TAB3: variants seen among roughly 807,000 people sequenced by gnomAD.
TAB3 encodes TGF-beta-activated kinase 1 and MAP3K7-binding protein 3.
Under a neutral mutation model 48.1 loss-of-function variants are expected in TAB3, and 18 were observed. That is an observed-to-expected ratio of 0.37 (90% confidence interval 0.26 to 0.55). The LOEUF (loss-of-function observed/expected upper bound fraction) is 0.55, where lower values mean the gene tolerates loss of function less well. Among genes scored for constraint, TAB3 ranks in the 20% least tolerant of loss-of-function variants. The probability of loss-of-function intolerance (pLI) is 0.78; values close to 1 mark genes in which losing one functional copy is unlikely to be tolerated. For synonymous variants in TAB3, 185 were observed against 190.2 expected, an observed-to-expected ratio of 0.97 and a Z score of 0.22; for missense variants, 414 against 549.8, an observed-to-expected ratio of 0.75 and a Z score of 2.47.
rs755805171 is a variant in TAB3, at chrX:30,859,876, A to G, written c.-90-198T>C. Among the ~76,000 whole-genome samples, 36 of 109,146 alleles carry G rather than the reference A, an allele frequency of 3.3e-4. No homozygotes were observed. In the South Asian group the frequency reaches 0.013, roughly 39 times the overall value. 94.8% of individuals were successfully genotyped at this position (109,146 alleles called of 115,157 possible). ...CTGTGCTTACCCTCACAGAAACACTAAACACGCTATACTGAAACCATCTAT... is the reference window on the plus strand; with the variant it reads ...CTGTGCTTACCCTCACAGAAACACTGAACACGCTATACTGAAACCATCTAT... On this transcript the variant is annotated intron_variant, in intron 4 of 10. Coordinates refer to ENST00000288422, the MANE Select transcript of TAB3 (RefSeq NM_152787.5).
intron 10 of TAB3, among the ~76,000 whole-genome samples, chrX:30,831,975 A>G (rs985564024): frequency 8.9e-6 from 1 of 111,847 alleles, no homozygotes; most frequent in African/African-American, 3.3e-5. Flanking sequence ...CTATAGTATA[A>G]TACTATCCAC....
rs767639868 is a variant in TAB3 at position 30,831,540 on chromosome X, G to C, written c.2026C>G (p.Gln676Glu). 1.6e-5 allele frequency: 19 copies of C among 1,209,423 alleles called. No individual in the cohort carries two copies. The highest frequency in any genetic ancestry group is 2.1e-5 in the Non-Finnish European group (19 of 895,099). Residue 676 changes from glutamine to glutamate, a missense_variant, in exon 11 of 11, where the codon CAA becomes GAA. Transcript: ENST00000288422. ...RTGSTQSPRTQPRDEDYEGAP... is the reference protein window; with the variant it reads ...RTGSTQSPRTEPRDEDYEGAP... ...CCTTCGTAGTCTTCATCTCGAGGTT[G>C]TGTCCGAGGACTTTGTGTGGAGCCA...
rs1187712168 is a variant in TAB3 at position 30,831,418 on chromosome X, T to C, written c.*9A>G. On this transcript the variant is annotated 3_prime_UTR_variant, in exon 11 of 11. Transcript: ENST00000288422. ...TTTCACTTTCAACCTGGCGCAGACTTTTCTGAATTCAGGTGTACCGTGGCA... is the reference window on the plus strand; with the variant it reads ...TTTCACTTTCAACCTGGCGCAGACTCTTCTGAATTCAGGTGTACCGTGGCA... 5.8e-6 allele frequency: 7 copies of C among 1,202,909 alleles called. No individual in the cohort carries two copies. Among genetic ancestry groups the C allele is most frequent in the Non-Finnish European group, 7.9e-6 (7 of 891,492 alleles).
chrX:30,836,177 A>G lies in TAB3; in HGVS notation c.1889-2025T>C, dbSNP rs1463213474. On this transcript the variant is annotated intron_variant, in intron 9 of 10. Transcript: ENST00000288422. ...CAAGTTCTACTGTTTCTAAGTTTTA[A>G]CAGAAGAAGATAAAAAACGGGTTAA... 3 of 112,230 alleles carry G rather than the reference A, an allele frequency of 2.7e-5. No individual in the cohort carries two copies. The Admixed American group carries it at 2.8e-4, about 11-fold the overall frequency. The allele number at this position is 112,230 out of a possible 1,213,427, so 9.2% of individuals were successfully genotyped here. A position where few individuals can be genotyped will look rare whatever the true frequency, so the allele number is the denominator to read the frequency against.
Position 30,883,588 on chromosome X carries a change from C to T in TAB3, c.-383+5526G>A, listed in dbSNP as rs141303942. Among the ~76,000 whole-genome samples, 478 of 111,509 alleles carry T rather than the reference C, an allele frequency of 4.3e-3. 5 individuals carry two copies. Among genetic ancestry groups the T allele is most frequent in the African/African-American group, 0.015 (456 of 30,649 alleles). Reference sequence around the variant, plus strand: ...CTAGAGACCAGTCTCCACTACTTACCCTCGGCCTCTACCAGAGGAGAGAGT... The same window carrying T: ...CTAGAGACCAGTCTCCACTACTTACTCTCGGCCTCTACCAGAGGAGAGAGT... On this transcript the variant is annotated intron_variant, in intron 1 of 10. Coordinates refer to ENST00000288422, the MANE Select transcript of TAB3 (RefSeq NM_152787.5).
intron 1 of TAB3, among the ~76,000 whole-genome samples, chrX:30,876,852 G>T (rs1939854976): frequency 9.0e-6 from 1 of 111,616 alleles, no homozygotes; most frequent in African/African-American, 3.3e-5. Context: ...CAAAAGATAG[G>T]TCGGGGGAAA....
chrX:30,831,598 G>C (rs901089380), intron 10 of TAB3, 23 bp from the exon 11 acceptor site: 5 of 1,196,454 alleles, frequency 4.2e-6, no homozygotes, highest in Non-Finnish European at 5.6e-6. Context: ...AGGATTAAGG[G>C]GGAGGGGGAA....
chrX:30,842,599 C>A (rs1938488321), intron 9 of TAB3, among the ~76,000 whole-genome samples: 1 of 110,484 alleles, frequency 9.1e-6, no homozygotes, highest in Non-Finnish European at 1.9e-5. Context: ...ATTATAACAC[C>A]AATATGGTAA....
At chrX:30,880,068 C>A (rs1260455224) in intron 1 of TAB3, among the ~76,000 whole-genome samples, 1 of 111,670 alleles carries the variant, frequency 9.0e-6, no homozygotes, top group African/African-American at 3.2e-5. Context: ...GTATCATGTT[C>A]ATGAATTAGA....
intron 7 of TAB3, 95 bp from the exon 8 acceptor site, chrX:30,846,739 T>C: frequency 1.9e-6 from 1 of 526,529 alleles, no homozygotes; most frequent in East Asian, 3.5e-5. Context: ...AATGATTGGG[T>C]ATTACCAAGA....
intron 9 of TAB3, among the ~76,000 whole-genome samples, chrX:30,839,740 A>G (rs1938353134): frequency 1.8e-5 from 2 of 109,551 alleles, no homozygotes; most frequent in African/African-American, 6.6e-5. Context: ...AAAAAACAAA[A>G]AAGAAATACG....
At chrX:30,863,793 A>G (rs1246106970) in intron 4 of TAB3, among the ~76,000 whole-genome samples, 1 of 112,125 alleles carries the variant, frequency 8.9e-6, no homozygotes, top group Non-Finnish European at 1.9e-5. Flanking sequence ...TGACATAAGA[A>G]TGGCCTAATA....
intron 1 of TAB3, among the ~76,000 whole-genome samples, chrX:30,887,813 A>G (rs1940173987): frequency 1.8e-5 from 2 of 112,541 alleles, no homozygotes; most frequent in Admixed American, 1.9e-4. Context: ...CTGAATGCAG[A>G]TTATGTTCTT....
At chrX:30,853,106 C>T (rs1446199006) in intron 6 of TAB3, among the ~76,000 whole-genome samples, 168 bp from the exon 7 acceptor site, 2 of 112,058 alleles carry the variant, frequency 1.8e-5, no homozygotes, top group Admixed American at 1.9e-4. Flanking sequence ...CAATTTAGCC[C>T]TCTGAATGCA....
At position 30,830,875 on chromosome X, in the gene TAB3, G is replaced by GA. The variant is rs764658438; in HGVS notation, c.*551dup. 20 of 91,101 alleles carry GA rather than the reference G, an allele frequency of 2.2e-4. No individual in the cohort carries two copies. Among genetic ancestry groups the GA allele is most frequent in the Middle Eastern group, 7.1e-3 (1 of 141 alleles). 7.5% of individuals were successfully genotyped at this position (91,101 alleles called of 1,213,427 possible). On this transcript the variant is annotated 3_prime_UTR_variant, in exon 11 of 11. Coordinates refer to ENST00000288422, the MANE Select transcript of TAB3 (RefSeq NM_152787.5). ...TGTATGTGTGTTGGAAATTACCCCT[G>GA]AAAAAAGCAGCAATTACAAATACCC...
chrX:30,888,162 T>C (rs1055230642), intron 1 of TAB3, among the ~76,000 whole-genome samples: 1 of 112,648 alleles, frequency 8.9e-6, no homozygotes, highest in African/African-American at 3.2e-5. Flanking sequence ...AATTCTCTTA[T>C]CCTTTCAAAA....
intron 9 of TAB3, among the ~76,000 whole-genome samples, chrX:30,841,714 G>A (rs1030015654): frequency 8.9e-6 from 1 of 111,847 alleles, no homozygotes; most frequent in Non-Finnish European, 1.9e-5. Flanking sequence ...ACTGTTCTAT[G>A]TGTCTTCATG....
At chrX:30,870,131 T>C (rs988949792) in intron 2 of TAB3, among the ~76,000 whole-genome samples, 5 of 112,409 alleles carry the variant, frequency 4.4e-5, no homozygotes, top group Non-Finnish European at 9.4e-5. Context: ...ACCCTCTGGA[T>C]ATGACAGTTG....
intron 7 of TAB3, among the ~76,000 whole-genome samples, chrX:30,851,519 C>T (rs2147354243): frequency 8.9e-6 from 1 of 111,756 alleles, no homozygotes; most frequent in Non-Finnish European, 1.9e-5. Context: ...TCCTTTTTTC[C>T]TCCAATGTAA....
Sources: gnomAD v4.1 joint callset for allele counts (sites outside exome capture counted in the v4.1 genomes callset) on GRCh38, gnomAD v4.1.1 for gene constraint, MANE v1.5 for transcripts, NCBI Gene and HGNC (gene_info 2026-07-23, HGNC 2026-07-21) for gene names.